Variants in GLUD1 observed in about 807,000 individuals in gnomAD.
GLUD1 encodes the protein glutamate dehydrogenase 1.
A neutral mutation model predicts 56.0 loss-of-function variants in GLUD1; 22 were observed. That is an observed-to-expected ratio of 0.39 (90% CI 0.28 to 0.56). The LOEUF is 0.56. GLUD1 is among the 20% of genes least tolerant of loss of function. The probability of loss-of-function intolerance (pLI) is 0.58; values close to 1 mark genes in which losing one functional copy is unlikely to be tolerated. For synonymous variants in GLUD1, 223 were observed against 269.9 expected, an observed-to-expected ratio of 0.83 and a Z score of 1.70; for missense variants, 451 against 732.0, an observed-to-expected ratio of 0.62 and a Z score of 4.43.
chr10:87,051,722 G>A lies in GLUD1; in HGVS notation c.*29C>T. The stretch of plus-strand genomic sequence containing the variant: ...GGTCTGCAGAAGTTACATGTGAAGA[G>A]GATAGTGAGGAAGTCAGCCATGATC... On this transcript the variant is annotated 3_prime_UTR_variant, in exon 13 of 13. Coordinates refer to ENST00000277865, the MANE Select transcript of GLUD1 (RefSeq NM_005271.5). 6.2e-7 allele frequency: 1 copy of A among 1,610,450 alleles called. No homozygotes were observed. The highest frequency in any genetic ancestry group is 8.5e-7 in the Non-Finnish European group (1 of 1,178,398).
chr10:87,080,556 T>C (rs1472574815), intron 1 of GLUD1, among the ~76,000 whole-genome samples: 1 of 146,696 alleles, frequency 6.8e-6, no homozygotes, highest in Non-Finnish European at 1.5e-5. Context: ...CGGCCGCCCA[T>C]CGTCTGCGAT....
chr10:87,062,958 G>A lies in GLUD1; in HGVS notation c.742-123C>T, dbSNP rs144695866. ...AAAAATATGCTAATTAGGAGTGTGTGTATGAATGTATTTAAGGTATACTTT... is the reference window on the plus strand; with the variant it reads ...AAAAATATGCTAATTAGGAGTGTGTATATGAATGTATTTAAGGTATACTTT... On this transcript the variant is annotated intron_variant, in intron 5 of 12. Transcript: ENST00000277865. The A allele has an allele frequency of 1.5e-3, 1,254 of 856,262 alleles. 17 individuals are homozygous for A. The African/African-American group carries it at 0.019, about 13-fold the overall frequency. 53.0% of individuals were successfully genotyped at this position (856,262 alleles called of 1,614,324 possible).
chr10:87,081,067 G>T (rs1307866694), intron 1 of GLUD1, among the ~76,000 whole-genome samples: 1 of 139,520 alleles, frequency 7.2e-6, no homozygotes, highest in African/African-American at 2.7e-5. Context: ...GGAGGGAGGT[G>T]GGGGGGTCAG....
chr10:87,070,213 G>A (rs1846192474), intron 4 of GLUD1, among the ~76,000 whole-genome samples: 1 of 152,244 alleles, frequency 6.6e-6, no homozygotes, highest in Admixed American at 6.5e-5. Context: ...AGCACTTTGG[G>A]AGGCCGAGGC....
At chr10:87,057,637 A>C (rs1000857570) in intron 11 of GLUD1, 54 bp downstream of exon 11, 2 of 918,570 alleles carry the variant, frequency 2.2e-6, no homozygotes, top group Admixed American at 1.7e-5. Context: ...GCTCTGTCTG[A>C]AGGAAAGAGC....
chr10:87,056,874 G>A (rs942828418), intron 11 of GLUD1, among the ~76,000 whole-genome samples: 2 of 151,642 alleles, frequency 1.3e-5, no homozygotes, highest in African/African-American at 4.8e-5. Flanking sequence ...TAACAATGAG[G>A]TTAAATTTTT....
At chr10:87,056,060 G>A (rs1395348988) in intron 11 of GLUD1, among the ~76,000 whole-genome samples, 6 of 127,572 alleles carry the variant, frequency 4.7e-5, no homozygotes, top group Non-Finnish European at 3.1e-5. Flanking sequence ...AGGTTGCAGT[G>A]AGCCAAAATC....
intron 6 of GLUD1, among the ~76,000 whole-genome samples, chr10:87,062,328 C>A (rs979140002): frequency 5.3e-5 from 8 of 152,200 alleles, no homozygotes; most frequent in Non-Finnish European, 1.2e-4. Context: ...TATATACTTA[C>A]AAAACTTAGA....
chr10:87,087,936 C>A (rs549342785), intron 1 of GLUD1, among the ~76,000 whole-genome samples: 1 of 152,118 alleles, frequency 6.6e-6, no homozygotes, highest in African/African-American at 2.4e-5. Flanking sequence ...CAAAAATCAG[C>A]TAGGTGAGGT....
intron 4 of GLUD1, among the ~76,000 whole-genome samples, chr10:87,072,835 A>G (rs9421578): frequency 0.013 from 1,918 of 152,306 alleles, 26 homozygotes; most frequent in Non-Finnish European, 0.017. Flanking sequence ...AAAAATTATG[A>G]AGGCTATTAA....
intron 4 of GLUD1, among the ~76,000 whole-genome samples, chr10:87,069,978 C>T (rs1467851602): frequency 1.3e-5 from 2 of 152,252 alleles, no homozygotes; most frequent in Non-Finnish European, 1.5e-5. Flanking sequence ...CGCTCTCCAG[C>T]TCCTATTTGC....
intron 5 of GLUD1, among the ~76,000 whole-genome samples, chr10:87,065,414 T>C (rs1383980982): frequency 1.3e-5 from 2 of 152,136 alleles, no homozygotes; most frequent in Non-Finnish European, 2.9e-5. Flanking sequence ...GCTGGTCTCT[T>C]GTTCTTTTTA....
At chr10:87,086,586 G>A (rs1474630989) in intron 1 of GLUD1, among the ~76,000 whole-genome samples, 1 of 152,018 alleles carries the variant, frequency 6.6e-6, no homozygotes, top group Non-Finnish European at 1.5e-5. Flanking sequence ...CACTTTGGGA[G>A]GCCGAGGCGG....
intron 1 of GLUD1, among the ~76,000 whole-genome samples, chr10:87,082,932 T>TA (rs1368446219): frequency 2.0e-5 from 3 of 152,188 alleles, no homozygotes; most frequent in Non-Finnish European, 2.9e-5. Flanking sequence ...AACTACATTC[T>TA]AAGGGACACG....
intron 10 of GLUD1, 69 bp downstream of exon 10, chr10:87,059,081 T>C (rs1448694688): frequency 1.3e-6 from 2 of 1,565,570 alleles, no homozygotes; most frequent in Non-Finnish European, 1.8e-6. Flanking sequence ...TTCTCTTAAG[T>C]GGACCTTTTT....
chr10:87,054,419 T>C (rs1845714148), intron 11 of GLUD1, among the ~76,000 whole-genome samples: 1 of 151,916 alleles, frequency 6.6e-6, no homozygotes, highest in Non-Finnish European at 1.5e-5. Context: ...TGAGAAGAAA[T>C]GTTTAGTGAG....
Position 87,057,702 on chromosome 10 carries a change from C to T in GLUD1, c.1483G>A (p.Asp495Asn). Residue 495 changes from aspartate to asparagine, a missense_variant, in exon 11 of 13, where the codon GAC (aspartate) becomes AAC (asparagine). Around this residue, in one of 4 missense-constraint regions of GLUD1, gnomAD observed 248 missense variants for 460.0 expected, o/e 0.54. Transcript: ENST00000277865. ...IPIVPTAEFQ[D>N]RISGASEKDI... Reference sequence around the variant, plus strand: ...GTCACCACACTCACCGATATCCTGTCTTGGAACTCTGCCGTGGGTACAATG... The same window carrying T: ...GTCACCACACTCACCGATATCCTGTTTTGGAACTCTGCCGTGGGTACAATG... The T allele has an allele frequency of 6.4e-7, 1 of 1,567,904 alleles. No homozygotes were observed. Among genetic ancestry groups the T allele is most frequent in the Non-Finnish European group, 8.8e-7 (1 of 1,138,136 alleles).
intron 1 of GLUD1, among the ~76,000 whole-genome samples, chr10:87,084,564 C>CAG (rs1028223409): frequency 2.0e-5 from 3 of 151,708 alleles, no homozygotes; most frequent in Admixed American, 6.6e-5. Flanking sequence ...CAAAAGCAAA[C>CAG]ACAAAAGCCT....
intron 5 of GLUD1, among the ~76,000 whole-genome samples, chr10:87,064,480 T>C (rs1355297550): frequency 6.6e-6 from 1 of 152,228 alleles, no homozygotes; most frequent in Non-Finnish European, 1.5e-5. Flanking sequence ...AATAAATTTG[T>C]TGAAGCAATT....
Sources: gnomAD v4.1 joint callset for allele counts (sites outside exome capture counted in the v4.1 genomes callset) on GRCh38, gnomAD v4.1.1 for gene constraint, gnomAD v4.1.1 regional missense constraint, MANE v1.5 for transcripts, NCBI Gene and HGNC (gene_info 2026-07-23, HGNC 2026-07-21) for gene names.